The following MYO15B variants were observed in gnomAD, a reference collection of about 807,000 sequenced individuals.
MYO15B encodes the protein myosin XVB pseudogene.
MYO15B carries 207 observed loss-of-function variants against 119.3 expected under a neutral mutation model. The ratio of observed to expected loss-of-function variants is 1.73; its 90% confidence interval spans 1.55 to 1.95. The LOEUF (loss-of-function observed/expected upper bound fraction) is 1.95. MYO15B is among the 30% of genes most tolerant of loss of function. The probability of loss-of-function intolerance (pLI) is 0.00; values close to 1 mark genes in which losing one functional copy is unlikely to be tolerated. For missense variants in MYO15B, 2,264 were observed against 1,203.1 expected, an observed-to-expected ratio of 1.88 and a Z score of -13.04; for synonymous variants, 966 against 498.9, an observed-to-expected ratio of 1.94 and a Z score of -12.48.
chr17:75,613,923 G>A (rs1598861200), intron 29 of MYO15B, 146 bp downstream of exon 29: 16 of 600,124 alleles, frequency 2.7e-5, no homozygotes, highest in East Asian at 1.4e-4. Flanking sequence ...ATGGGGAGCC[G>A]GGGGCAGATT....
At chr17:75,590,351 G>T (rs772974096) in intron 1 of MYO15B, 108 bp downstream of exon 1, 36 of 398,406 alleles carry the variant, frequency 9.0e-5, no homozygotes, top group Non-Finnish European at 1.5e-4. Flanking sequence ...ATCCTTAGAA[G>T]GATGGGCTTG....
chr17:75,596,652 C>G (rs75861410), intron 13 of MYO15B, 97 bp downstream of exon 13: 55,054 of 681,498 alleles, frequency 0.081, 2,625 homozygotes, highest in African/African-American at 0.16. Context: ...GAGAGCTCTG[C>G]CTGGAAGGCC....
chr17:75,607,878 AGTGGCT>A, intron 21 of MYO15B, among the ~76,000 whole-genome samples: 1 of 152,308 alleles, frequency 6.6e-6, no homozygotes, highest in East Asian at 1.9e-4. Context: ...TGCTTTCCAT[AGTGGCT>A]GCATCATTTT....
At chr17:75,598,304 C>T (rs770875955) in intron 14 of MYO15B, among the ~76,000 whole-genome samples, 2 of 150,782 alleles carry the variant, frequency 1.3e-5, no homozygotes, top group South Asian at 2.1e-4. Flanking sequence ...ATGGGCCAGG[C>T]GCGGTGGCTC....
chr17:75,625,345 G>T (rs1035918205), intron 60 of MYO15B, 107 bp downstream of exon 60: 3 of 640,518 alleles, frequency 4.7e-6, no homozygotes, highest in African/African-American at 1.8e-5. Context: ...GAGCAGCGGG[G>T]CCTGTGAACA....
chr17:75,589,885 C>T lies in MYO15B; in HGVS notation c.1828C>T (p.Pro610Ser). ...CGGCTCCCTCCTTGCCCCGACTGCA[C>T]CCGACGGGCCTTCCCTCGACGAGAG... The change falls in exon 1 of 64, where the codon CCC (proline) becomes TCC (serine). Residue 610 changes from proline (P) to serine (S), a missense_variant. Pro to Ser is a moderately conservative substitution (Grantham distance 74). Transcript: ENST00000645453. This position sits in a 1 kb window ranked among gnomAD's most constrained non-coding sequence, Gnocchi z 4.2. The T allele has an allele frequency of 2.5e-6, 1 of 398,644 alleles. No individual in the cohort carries two copies. Among genetic ancestry groups the T allele is most frequent in the Admixed American group, 4.4e-5 (1 of 22,744 alleles). 24.7% of individuals were successfully genotyped at this position (398,644 alleles called of 1,614,324 possible).
At chr17:75,619,150 G>T in exon 44 of MYO15B, 1 of 702,898 alleles carries the variant, frequency 1.4e-6, no homozygotes, top group Non-Finnish European at 2.6e-6. Flanking sequence ...CAGATCCTAC[G>T]GGACACCTTC....
exon 31 of MYO15B, chr17:75,614,608 G>A (rs2058247902): frequency 2.9e-6 from 2 of 701,062 alleles, no homozygotes; most frequent in Non-Finnish European, 2.6e-6. Flanking sequence ...CCTTGCCCCT[G>A]GCATTCAGGC....
At position 75,619,073 on chromosome 17, in the gene MYO15B, A is replaced by G. The variant is rs1340902083; in HGVS notation, c.6988-70A>G. ...GGCCTCCTCAGGTTTTCCTTCATGC[A>G]TGTGGATGGCTGCTCTGGGGGTGGG... On this transcript the variant is annotated intron_variant, in intron 43 of 63. Coordinates refer to ENST00000645453, the Ensembl canonical transcript of MYO15B. The G allele has an allele frequency of 1.0e-5, 7 of 700,242 alleles. No homozygotes were observed. The East Asian group carries it at 1.1e-4, about 11-fold the overall frequency. The allele number at this position is 700,242 out of a possible 1,614,324, so 43.4% of individuals were successfully genotyped here.
intron 22 of MYO15B, 28 bp downstream of exon 22, chr17:75,610,287 G>A (rs768019524): frequency 7.4e-6 from 5 of 673,042 alleles, no homozygotes; most frequent in South Asian, 6.2e-5. Context: ...GGGCGGTTCA[G>A]GGTAGAAGCC....
At chr17:75,597,297 A>G (rs918989281) in intron 14 of MYO15B, among the ~76,000 whole-genome samples, 7 of 152,212 alleles carry the variant, frequency 4.6e-5, no homozygotes, top group Non-Finnish European at 1.0e-4. Flanking sequence ...ACCCCAGGGT[A>G]CCATGTCCCC....
chr17:75,596,407 G>C, intron 12 of MYO15B, 53 bp from the exon 13 acceptor site: 1 of 700,528 alleles, frequency 1.4e-6, no homozygotes, highest in Non-Finnish European at 2.6e-6. Flanking sequence ...AAGCCTCTGG[G>C]GTGGGGGGAG....
At chr17:75,596,363 A>G in intron 12 of MYO15B, 97 bp from the exon 13 acceptor site, 1 of 667,434 alleles carries the variant, frequency 1.5e-6, no homozygotes, top group Admixed American at 2.2e-5. Context: ...AGCCCTGGGT[A>G]TTACTCATCC....
At chr17:75,625,936 C>T in exon 62 of MYO15B, 1 of 702,602 alleles carries the variant, frequency 1.4e-6, no homozygotes, top group African/African-American at 1.7e-5. Flanking sequence ...TCTCCTGGGG[C>T]TCAACCGCCA....
In MYO15B at chr17:75,596,572, T is replaced by C. The variant is rs1449658848; in HGVS notation, c.3393+17T>C. On this transcript the variant is annotated intron_variant, in intron 13 of 63. Transcript: ENST00000645453. ...CAGGAGGAGGTAAGAGGATTGGGCGTGGACGTGGCAGGGGCCGCTCAGGCA... is the reference window on the plus strand; with the variant it reads ...CAGGAGGAGGTAAGAGGATTGGGCGCGGACGTGGCAGGGGCCGCTCAGGCA... 8 of 702,766 alleles carry C rather than the reference T, an allele frequency of 1.1e-5. No individual in the cohort carries two copies. In the East Asian group the frequency reaches 2.1e-4, roughly 19 times the overall value. 43.5% of individuals were successfully genotyped at this position (702,766 alleles called of 1,614,324 possible).
intron 19 of MYO15B, 44 bp from the exon 20 acceptor site, chr17:75,605,460 A>T: frequency 1.5e-6 from 1 of 666,566 alleles, no homozygotes; most frequent in Non-Finnish European, 2.7e-6. Context: ...AAAGTGTAAA[A>T]GGAGGTTCTG....
intron 32 of MYO15B, 36 bp from the exon 33 acceptor site, chr17:75,614,925 G>A (rs1373058000): frequency 1.4e-6 from 1 of 702,956 alleles, no homozygotes; most frequent in Non-Finnish European, 2.6e-6. Flanking sequence ...TTTTTCTCAG[G>A]GCTCTCACTC....
In MYO15B at chr17:75,619,170, T is replaced by C. The variant is rs1286627614; in HGVS notation, c.7015T>C (p.Cys2339Arg). Residue 2339 changes from cysteine to arginine, a missense_variant, in exon 44 of 64, where the codon TGT becomes CGT. Coordinates refer to ENST00000645453, the Ensembl canonical transcript of MYO15B. ...CCTACGGGACACCTTCTCCGAGTCCTGTATCCGGATTTCCCAGAATGAGCG... is the reference window on the plus strand; with the variant it reads ...CCTACGGGACACCTTCTCCGAGTCCCGTATCCGGATTTCCCAGAATGAGCG... The C allele has an allele frequency of 4.3e-6, 3 of 702,780 alleles. No individual in the cohort carries two copies. In the Admixed American group the frequency reaches 6.0e-5, roughly 14 times the overall value. The allele number at this position is 702,780 out of a possible 1,614,324, so 43.5% of individuals were successfully genotyped here. A position where few individuals can be genotyped will look rare whatever the true frequency, so the allele number is the denominator to read the frequency against.
rs779229147 is a variant in MYO15B, at chr17:75,603,047, C to A, written c.3861C>A (p.Phe1287Leu). ...CCCTCATCAGGAGCCATGTCTATTT[C>A]ATCCAGTGCCTCACCCCTAACCCTG... The change falls in exon 18 of 64, where the codon TTC (phenylalanine) becomes TTA (leucine). Residue 1287 changes from phenylalanine (F) to leucine (L), a missense_variant. Transcript: ENST00000645453. 7 of 703,382 alleles carry A rather than the reference C, an allele frequency of 1.0e-5. No homozygotes were observed. The South Asian group carries it at 1.0e-4, about 10-fold the overall frequency. The allele number at this position is 703,382 out of a possible 1,614,324, so 43.6% of individuals were successfully genotyped here.
Sources: gnomAD v4.1 joint callset for allele counts (sites outside exome capture counted in the v4.1 genomes callset) on GRCh38, gnomAD v4.1.1 for gene constraint, Gnocchi (gnomAD v3.1) non-coding constraint, MANE v1.5 for transcripts, NCBI Gene and HGNC (gene_info 2026-07-23, HGNC 2026-07-21) for gene names.